SHANK2: variants seen among roughly 807,000 people sequenced by gnomAD.
The protein encoded by SHANK2 is SH3 and multiple ankyrin repeat domains 2.
SHANK2 carries 43 observed loss-of-function variants against 133.7 expected under a neutral mutation model. The observed-to-expected ratio is 0.32, with a 90% CI of 0.25 to 0.41. The LOEUF (loss-of-function observed/expected upper bound fraction) is 0.41. Ranked by LOEUF, SHANK2 falls within the 10% of genes least tolerant of loss-of-function variation. The pLI is 1.00. For missense variants in SHANK2, 1,994 were observed against 2,235.8 expected (o/e 0.89, Z 2.18); for synonymous variants, 1,017 against 952.8 (o/e 1.07, Z -1.24).
rs532456686 is a variant in SHANK2, at chr11:71,107,972, C to T, written c.592+1969G>A. Among the ~76,000 whole-genome samples the T allele has an allele frequency of 7.9e-5, 12 of 152,278 alleles. No individual in the cohort carries two copies. The East Asian group carries it at 2.3e-3, about 29-fold the overall frequency. The stretch of plus-strand genomic sequence containing the variant: ...AGACAGAGAGCCACGCTGCCCAGTC[C>T]CCCGCAGCAGCATCAGAAATAGCCC... On this transcript the variant is annotated intron_variant, in intron 6 of 25. Transcript: ENST00000601538.
intron 17 of SHANK2, among the ~76,000 whole-genome samples, chr11:70,655,911 T>C (rs1265656818): frequency 6.6e-6 from 1 of 152,140 alleles, no homozygotes; most frequent in Non-Finnish European, 1.5e-5. Flanking sequence ...GCCTCATGAT[T>C]CTGATTCAGG....
chr11:70,853,770 T>C (rs1397247086), intron 11 of SHANK2, among the ~76,000 whole-genome samples: 1 of 152,196 alleles, frequency 6.6e-6, no homozygotes, highest in Non-Finnish European at 1.5e-5. Flanking sequence ...AAATTAGGGC[T>C]GTGGCAGCAC....
intron 17 of SHANK2, among the ~76,000 whole-genome samples, chr11:70,653,729 C>T (rs1555010786): frequency 6.6e-6 from 1 of 152,190 alleles, no homozygotes; most frequent in Non-Finnish European, 1.5e-5. Context: ...GACTGCTAGT[C>T]AGAGGCGCTG....
intron 17 of SHANK2, among the ~76,000 whole-genome samples, chr11:70,626,205 G>T (rs528188043): frequency 6.6e-6 from 1 of 152,316 alleles, no homozygotes; most frequent in African/African-American, 2.4e-5. Flanking sequence ...CATGTTTTCT[G>T]GTCCACTCAA....
intron 11 of SHANK2, among the ~76,000 whole-genome samples, chr11:70,821,597 G>C (rs1284455934): frequency 6.6e-6 from 1 of 152,054 alleles, no homozygotes; most frequent in African/African-American, 2.4e-5. Flanking sequence ...GCTAATTTTT[G>C]TATTTTTAGT....
chr11:70,818,437 C>T (rs1420872685), intron 12 of SHANK2, among the ~76,000 whole-genome samples: 1 of 152,228 alleles, frequency 6.6e-6, no homozygotes, highest in Non-Finnish European at 1.5e-5. Flanking sequence ...TCCCGAGCCA[C>T]ATCTAGCACA....
chr11:70,789,541 T>C lies in SHANK2; in HGVS notation c.1777+8902A>G, dbSNP rs552723864. On this transcript the variant is annotated intron_variant, in intron 14 of 25. Coordinates refer to ENST00000601538, the MANE Select transcript of SHANK2 (RefSeq NM_012309.5). Reference sequence around the variant, plus strand: ...TCAGCCAGAAGATTCCGGAAGCCCATTCTGCAGAGAATCCCATCAAGTCAC... The same window carrying C: ...TCAGCCAGAAGATTCCGGAAGCCCACTCTGCAGAGAATCCCATCAAGTCAC... Among the ~76,000 whole-genome samples the C allele has an allele frequency of 9.2e-5, 14 of 152,272 alleles. No individual in the cohort carries two copies. In the South Asian group the frequency reaches 2.5e-3, roughly 27 times the overall value.
chr11:70,600,538 G>A (rs532448074), intron 17 of SHANK2, among the ~76,000 whole-genome samples: 21 of 151,880 alleles, frequency 1.4e-4, no homozygotes, highest in Non-Finnish European at 2.9e-4. Context: ...GAGATAAAAG[G>A]TGGGTGGGTT....
intron 3 of SHANK2, among the ~76,000 whole-genome samples, chr11:71,130,838 G>C (rs1239015300): frequency 1.3e-5 from 2 of 152,202 alleles, no homozygotes; most frequent in Non-Finnish European, 2.9e-5. Flanking sequence ...CGCAGACCCC[G>C]GGGACGATCA....
At chr11:70,925,791 C>T (rs891474587) in intron 10 of SHANK2, among the ~76,000 whole-genome samples, 33 of 152,050 alleles carry the variant, frequency 2.2e-4, no homozygotes, top group Admixed American at 1.4e-3. Context: ...TCATGGTCTG[C>T]GGTGCTAACA....
intron 14 of SHANK2, among the ~76,000 whole-genome samples, chr11:70,779,978 G>A (rs1947447523): frequency 1.3e-5 from 2 of 152,200 alleles, no homozygotes; most frequent in Admixed American, 6.5e-5. Flanking sequence ...AGCTAGCACA[G>A]AGCCATTTTC....
intron 12 of SHANK2, among the ~76,000 whole-genome samples, chr11:70,820,152 C>T (rs1555055429): frequency 6.6e-6 from 1 of 152,218 alleles, no homozygotes. Flanking sequence ...TCATCGTGTG[C>T]CTCCATGAGG....
intron 13 of SHANK2, among the ~76,000 whole-genome samples, chr11:70,800,628 C>T (rs2135234929): frequency 6.6e-6 from 1 of 152,250 alleles, no homozygotes; most frequent in South Asian, 2.1e-4. Flanking sequence ...AAGAAATGAC[C>T]TAACTGAAAC....
In SHANK2 at chr11:70,632,717, G is replaced by A. The variant is rs59775232; in HGVS notation, c.2061+27111C>T. 1.4e-3 allele frequency among the ~76,000 whole-genome samples: 213 copies of A among 152,122 alleles called. 6 individuals carry two copies. The East Asian group carries it at 0.031, about 22-fold the overall frequency. On this transcript the variant is annotated intron_variant, in intron 17 of 25. Transcript: ENST00000601538. ...ACTCGGTGGATGCTGGGACTCTGCC[G>A]GCCAGCCAACCAGAAAAGGGCGCAT...
At chr11:70,734,724 C>T (rs1472370912) in intron 14 of SHANK2, among the ~76,000 whole-genome samples, 6 of 152,172 alleles carry the variant, frequency 3.9e-5, no homozygotes, top group East Asian at 1.9e-4. Context: ...TCCTCAAGAC[C>T]GAAGGGTGCT....
rs138879062 is a variant in SHANK2, at chr11:70,943,842, C to G, written c.1108-47275G>C. ...ATCCCTTCCTCACCACAGGGCCAAC[C>G]ACATCCCACGCCACAGTGCTTTTTC... On this transcript the variant is annotated intron_variant, in intron 10 of 25. Coordinates refer to ENST00000601538, the MANE Select transcript of SHANK2 (RefSeq NM_012309.5). The G allele has an allele frequency of 2.0e-3, 869 of 444,886 alleles. 4 individuals carry two copies. The highest frequency in any genetic ancestry group is 0.015 in the African/African-American group (762 of 50,128). The allele number at this position is 444,886 out of a possible 1,614,324, so 27.6% of individuals were successfully genotyped here.
chr11:70,803,981 G>T (rs1948108326), intron 13 of SHANK2, among the ~76,000 whole-genome samples: 2 of 152,242 alleles, frequency 1.3e-5, no homozygotes, highest in African/African-American at 2.4e-5. Flanking sequence ...GAGCGGAGGA[G>T]ATGTAAATTA....
intron 14 of SHANK2, among the ~76,000 whole-genome samples, chr11:70,713,396 C>T (rs1945837097): frequency 6.6e-6 from 1 of 152,358 alleles, no homozygotes; most frequent in East Asian, 1.9e-4. Flanking sequence ...TGCCACTTTA[C>T]GAAGCAGTCT....
intron 21 of SHANK2, among the ~76,000 whole-genome samples, chr11:70,495,213 A>G (rs1241563299): frequency 6.6e-6 from 1 of 151,178 alleles, no homozygotes; most frequent in Admixed American, 6.6e-5. Flanking sequence ...GTCCCTGTCA[A>G]CCTCCCTGGG....
Sources: gnomAD v4.1 joint callset for allele counts (sites outside exome capture counted in the v4.1 genomes callset) on GRCh38, gnomAD v4.1.1 for gene constraint, MANE v1.5 for transcripts, NCBI Gene and HGNC (gene_info 2026-07-23, HGNC 2026-07-21) for gene names.